The following SVOP variants were observed in gnomAD, a reference collection of about 807,000 sequenced individuals.
The protein encoded by SVOP is synaptic vesicle 2-related protein.
A neutral mutation model predicts 69.1 loss-of-function variants in SVOP; 17 were observed. That is an observed-to-expected ratio of 0.25 (90% confidence interval 0.17 to 0.37). SVOP has a LOEUF of 0.37. Ranked by LOEUF, SVOP falls within the 10% of genes least tolerant of loss-of-function variation. The probability of loss-of-function intolerance (pLI) is 1.00; values close to 1 mark genes in which losing one functional copy is unlikely to be tolerated. For missense variants in SVOP, 435 were observed against 597.5 expected, an observed-to-expected ratio of 0.73 and a Z score of 2.84; for synonymous variants, 238 against 238.6, an observed-to-expected ratio of 1.00 and a Z score of 0.02.
At position 108,983,071 on chromosome 12, in the gene SVOP, C is replaced by T. The variant is rs1324732142; in HGVS notation, c.196+530G>A. On this transcript the variant is annotated intron_variant, in intron 2 of 15. Coordinates refer to ENST00000610966, the MANE Select transcript of SVOP (RefSeq NM_018711.5). ...CCACCATCATCACCATCACCATCAT[C>T]ACCATCATCATGATCACCATCATCA... Among the ~76,000 whole-genome samples the T allele has an allele frequency of 7.7e-4, 116 of 150,730 alleles. 1 individual carries two copies. The highest frequency in any genetic ancestry group is 2.8e-3 in the African/African-American group (115 of 40,632).
At chr12:108,941,670 T>G (rs2039891872) in intron 7 of SVOP, among the ~76,000 whole-genome samples, 1 of 151,864 alleles carries the variant, frequency 6.6e-6, no homozygotes, top group Non-Finnish European at 1.5e-5. Context: ...ATTTTTTTTT[T>G]TCTTTTTTTG....
intron 2 of SVOP, among the ~76,000 whole-genome samples, chr12:108,979,984 C>A (rs2040127282): frequency 6.6e-6 from 1 of 152,134 alleles, no homozygotes; most frequent in Non-Finnish European, 1.5e-5. Flanking sequence ...GCAGCCTGGG[C>A]AGCATAGTGA....
chr12:108,932,021 A>T (rs1430506276), intron 11 of SVOP, among the ~76,000 whole-genome samples: 1 of 151,394 alleles, frequency 6.6e-6, no homozygotes, highest in Non-Finnish European at 1.5e-5. Flanking sequence ...TTTTATTTTT[A>T]TTTTTTTTAC....
intron 1 of SVOP, among the ~76,000 whole-genome samples, chr12:108,987,843 A>G (rs2040174258): frequency 6.6e-6 from 1 of 152,146 alleles, no homozygotes; most frequent in African/African-American, 2.4e-5. Flanking sequence ...CTTATCAGAC[A>G]TATGATTTGC....
chr12:108,961,427 CTTTTTT>C (rs373090263), intron 5 of SVOP, among the ~76,000 whole-genome samples: 1 of 133,272 alleles, frequency 7.5e-6, no homozygotes. Flanking sequence ...ACATTCAAGA[CTTTTTT>C]TTTTTTTTTT....
At chr12:108,922,508 T>C (rs2039755250) in intron 12 of SVOP, among the ~76,000 whole-genome samples, 182 bp downstream of exon 12, 1 of 152,176 alleles carries the variant, frequency 6.6e-6, no homozygotes, top group African/African-American at 2.4e-5. Flanking sequence ...AGCCTTCAAG[T>C]AGGGTAACAT....
At chr12:108,937,039 A>G (rs1354238765) in intron 10 of SVOP, 2 of 527,148 alleles carry the variant, frequency 3.8e-6, no homozygotes, top group Non-Finnish European at 3.5e-6. Flanking sequence ...TCCAGCCTGC[A>G]CGGTGATTAA....
intron 12 of SVOP, among the ~76,000 whole-genome samples, chr12:108,921,510 CT>C: frequency 6.6e-6 from 1 of 151,970 alleles, no homozygotes; most frequent in Non-Finnish European, 1.5e-5. Flanking sequence ...CAGTTGCCCA[CT>C]ACTGTGGGCA....
intron 11 of SVOP, among the ~76,000 whole-genome samples, chr12:108,929,409 C>T (rs2039802115): frequency 6.6e-6 from 1 of 152,090 alleles, no homozygotes; most frequent in African/African-American, 2.4e-5. Flanking sequence ...GCAGCTTTGA[C>T]TTCCCCAGGC....
chr12:108,931,482 T>C (rs1049009784), intron 11 of SVOP, among the ~76,000 whole-genome samples: 5 of 152,206 alleles, frequency 3.3e-5, no homozygotes, highest in African/African-American at 9.6e-5. Flanking sequence ...TAAAACTTAC[T>C]AATGCTTGAG....
intron 11 of SVOP, among the ~76,000 whole-genome samples, chr12:108,933,254 G>A (rs761935923): frequency 2.6e-5 from 4 of 152,124 alleles, no homozygotes; most frequent in Non-Finnish European, 5.9e-5. Flanking sequence ...TTTTGCACCT[G>A]TAGTCCCAGC....
chr12:108,989,398 G>A (rs1223749640), intron 1 of SVOP, among the ~76,000 whole-genome samples: 7 of 150,874 alleles, frequency 4.6e-5, no homozygotes, highest in South Asian at 2.1e-4. Context: ...TTGTGTAAGC[G>A]ATTTACTGAG....
intron 15 of SVOP, among the ~76,000 whole-genome samples, chr12:108,914,492 A>G (rs2039702073): frequency 6.6e-6 from 1 of 152,206 alleles, no homozygotes; most frequent in African/African-American, 2.4e-5. Flanking sequence ...AATGACGTCT[A>G]ATTATCTAAT....
intron 4 of SVOP, 96 bp downstream of exon 4, chr12:108,977,302 G>T: frequency 7.1e-7 from 1 of 1,415,616 alleles, no homozygotes; most frequent in Non-Finnish European, 9.5e-7. Context: ...ATTCTTTTCT[G>T]CTGAGCCTTC....
At chr12:108,980,239 A>T (rs914030246) in intron 2 of SVOP, among the ~76,000 whole-genome samples, 4 of 152,190 alleles carry the variant, frequency 2.6e-5, no homozygotes. Context: ...CCAATATGTT[A>T]TGCTGGATTG....
At chr12:108,924,600 C>T (rs1158265285) in intron 11 of SVOP, among the ~76,000 whole-genome samples, 1 of 152,124 alleles carries the variant, frequency 6.6e-6, no homozygotes, top group Non-Finnish European at 1.5e-5. Flanking sequence ...GAGGCTTCTG[C>T]CCACCACCCC....
At chr12:108,937,447 A>C in intron 9 of SVOP, 110 bp from the exon 10 acceptor site, 1 of 1,038,156 alleles carries the variant, frequency 9.6e-7, no homozygotes, top group South Asian at 1.3e-5. Flanking sequence ...GTTTCTAGTA[A>C]GTAGGACACT....
intron 2 of SVOP, among the ~76,000 whole-genome samples, chr12:108,980,399 A>G (rs1266558773): frequency 5.3e-5 from 8 of 152,150 alleles, no homozygotes; most frequent in Non-Finnish European, 8.8e-5. Flanking sequence ...TGTCTATACT[A>G]TATCTGCAAT....
intron 6 of SVOP, among the ~76,000 whole-genome samples, chr12:108,952,822 G>A (rs1055492622): frequency 9.9e-5 from 15 of 152,132 alleles, no homozygotes; most frequent in African/African-American, 3.4e-4. Flanking sequence ...TCGTGTTGCT[G>A]TACTCCAGCC....
Sources: allele counts gnomAD v4.1 joint callset (sites outside exome capture counted in the v4.1 genomes callset), GRCh38; gene constraint gnomAD v4.1.1; transcripts MANE v1.5; gene names NCBI Gene and HGNC (gene_info 2026-07-23, HGNC 2026-07-21).